ERP44: variants seen among roughly 807,000 people sequenced by gnomAD.
The protein encoded by ERP44 is endoplasmic reticulum protein 44.
ERP44 carries 25 observed loss-of-function variants against 53.4 expected under a neutral mutation model. That is an observed-to-expected ratio of 0.47 (90% CI 0.34 to 0.65). The LOEUF (loss-of-function observed/expected upper bound fraction) is 0.65, where lower values mean the gene tolerates loss of function less well. ERP44 is among the 30% of genes least tolerant of loss of function. The pLI, the probability that ERP44 is intolerant of heterozygous loss-of-function variation, is 0.01. For synonymous variants in ERP44, 145 were observed against 161.2 expected, an observed-to-expected ratio of 0.90 and a Z score of 0.76; for missense variants, 338 against 493.2, an observed-to-expected ratio of 0.69 and a Z score of 2.98.
In ERP44 at chr9:100,098,832, A is replaced by C; in HGVS notation, c.9T>G (p.Pro3=). 1 of 1,613,664 alleles carries C rather than the reference A, an allele frequency of 6.2e-7. No homozygotes were observed. The highest frequency in any genetic ancestry group is 8.5e-7 in the Non-Finnish European group (1 of 1,179,740). ...GGTCGGGTAAGGATAGGAAGACGGC[A>C]GGATGCATGGTAACGCTGGGGTCCG... MH[P]AVFLSLPDLR... is the part of the protein sequence containing the mutation. Residue 3 remains proline, a synonymous_variant, in exon 1 of 12, where the codon CCT becomes CCG. Coordinates refer to ENST00000262455, the MANE Select transcript of ERP44 (RefSeq NM_015051.3).
chr9:100,076,053 G>A (rs1041518751), intron 1 of ERP44, among the ~76,000 whole-genome samples: 1 of 152,180 alleles, frequency 6.6e-6, no homozygotes, highest in Non-Finnish European at 1.5e-5. Context: ...GCAAGGCCCT[G>A]CCATCTTCTG....
chr9:100,049,204 G>A (rs1471545621), intron 4 of ERP44, among the ~76,000 whole-genome samples: 1 of 152,116 alleles, frequency 6.6e-6, no homozygotes, highest in African/African-American at 2.4e-5. Flanking sequence ...TAGCCCAGGA[G>A]TTTGAGACCA....
intron 1 of ERP44, among the ~76,000 whole-genome samples, chr9:100,077,373 C>T (rs1587983092): frequency 1.3e-5 from 2 of 152,176 alleles, no homozygotes; most frequent in East Asian, 3.8e-4. Context: ...GATGGAATCG[C>T]CTTTTGAAGT....
intron 4 of ERP44, among the ~76,000 whole-genome samples, chr9:100,048,409 T>C (rs1826000086): frequency 6.6e-6 from 1 of 151,988 alleles, no homozygotes; most frequent in African/African-American, 2.4e-5. Context: ...AACCCTTAGG[T>C]ACTCCTAATG....
chr9:100,053,020 C>T (rs748272169), intron 3 of ERP44, among the ~76,000 whole-genome samples: 12 of 152,140 alleles, frequency 7.9e-5, no homozygotes, highest in Non-Finnish European at 1.3e-4. Flanking sequence ...AGGGCTCAAG[C>T]AATCCTCCCA....
At chr9:100,070,067 T>A (rs1329965698) in intron 1 of ERP44, among the ~76,000 whole-genome samples, 1 of 152,222 alleles carries the variant, frequency 6.6e-6, no homozygotes, top group Non-Finnish European at 1.5e-5. Context: ...ATTTTGCTCT[T>A]CTAAAACTCA....
intron 1 of ERP44, among the ~76,000 whole-genome samples, chr9:100,094,544 G>C (rs537485530): frequency 3.5e-4 from 53 of 152,164 alleles, no homozygotes; most frequent in Non-Finnish European, 7.2e-4. Context: ...TGTAATCCCA[G>C]CTAATGGGGA....
intron 5 of ERP44, 30 bp downstream of exon 5, chr9:100,022,008 ATGTT>A (rs779786843): frequency 5.7e-6 from 9 of 1,566,630 alleles, no homozygotes; most frequent in Non-Finnish European, 7.9e-6. Flanking sequence ...TAATCAGGGA[ATGTT>A]TGTTTAATCT....
chr9:100,068,317 G>A (rs1303161399), intron 1 of ERP44, among the ~76,000 whole-genome samples: 5 of 138,726 alleles, frequency 3.6e-5, no homozygotes, highest in East Asian at 2.2e-4. Flanking sequence ...CAGCTGCCCC[G>A]TCCGGGAGGG....
chr9:100,025,145 T>G (rs1231205408), intron 4 of ERP44, among the ~76,000 whole-genome samples: 1 of 152,128 alleles, frequency 6.6e-6, no homozygotes, highest in African/African-American at 2.4e-5. Context: ...TTCAAAGCCT[T>G]TCCACAAAGA....
At chr9:100,064,582 C>T (rs1304340406) in intron 1 of ERP44, among the ~76,000 whole-genome samples, 1 of 152,202 alleles carries the variant, frequency 6.6e-6, no homozygotes, top group Non-Finnish European at 1.5e-5. Context: ...CCCTCTACAT[C>T]ACTACTTAAC....
chr9:100,063,092 A>AAAAAAAAAAAAAAAAAGAG (rs773290883), intron 1 of ERP44, among the ~76,000 whole-genome samples: 3 of 145,238 alleles, frequency 2.1e-5, no homozygotes, highest in Non-Finnish European at 3.0e-5. Flanking sequence ...AAAAAAAAAA[A>AAAAAAAAAAAAAAAAAGAG]AGAGAGAGAG....
intron 2 of ERP44, among the ~76,000 whole-genome samples, chr9:100,058,625 G>A (rs1826110224): frequency 6.6e-6 from 1 of 152,166 alleles, no homozygotes; most frequent in Admixed American, 6.5e-5. Context: ...AACTAATAGT[G>A]TTGCACAAGA....
chr9:99,994,206 T>C (rs563987205), intron 10 of ERP44, among the ~76,000 whole-genome samples: 1 of 152,344 alleles, frequency 6.6e-6, no homozygotes, highest in East Asian at 1.9e-4. Flanking sequence ...TGCACACATA[T>C]GTTAATCGCG....
At chr9:100,051,042 C>T (rs1424713471) in intron 4 of ERP44, among the ~76,000 whole-genome samples, 1 of 152,152 alleles carries the variant, frequency 6.6e-6, no homozygotes, top group South Asian at 2.1e-4. Context: ...AGCGAAAGGT[C>T]GGAGAAAAGA....
chr9:100,028,979 G>T (rs1825739836), intron 4 of ERP44, among the ~76,000 whole-genome samples: 1 of 151,974 alleles, frequency 6.6e-6, no homozygotes. Flanking sequence ...TTCACAATAG[G>T]TATAAAAAAA....
chr9:100,095,987 T>C (rs758682100), intron 1 of ERP44, among the ~76,000 whole-genome samples: 1 of 152,156 alleles, frequency 6.6e-6, no homozygotes, highest in Non-Finnish European at 1.5e-5. Flanking sequence ...CCTATACATA[T>C]TGAACAAACC....
intron 5 of ERP44, 124 bp from the exon 6 acceptor site, chr9:100,020,855 A>C: frequency 1.8e-6 from 1 of 563,622 alleles, no homozygotes; most frequent in South Asian, 2.6e-5. Context: ...TATGACTATA[A>C]ATGCATATTT....
intron 5 of ERP44, among the ~76,000 whole-genome samples, chr9:100,021,791 A>G (rs1388361244): frequency 6.6e-6 from 1 of 152,204 alleles, no homozygotes; most frequent in African/African-American, 2.4e-5. Flanking sequence ...TTTATAATTG[A>G]GGCTTTCCTT....
Sources: gnomAD v4.1 joint callset for allele counts (sites outside exome capture counted in the v4.1 genomes callset) on GRCh38, gnomAD v4.1.1 for gene constraint, MANE v1.5 for transcripts, NCBI Gene and HGNC (gene_info 2026-07-23, HGNC 2026-07-21) for gene names.